The following PACSIN1 variants were observed in gnomAD, a reference collection of about 807,000 sequenced individuals.
PACSIN1 encodes protein kinase C and casein kinase substrate in neurons 1, also known as protein kinase C and casein kinase substrate in neurons protein 1.
PACSIN1 carries 15 observed loss-of-function variants against 59.5 expected under a neutral mutation model. The observed-to-expected ratio is 0.25, with a 90% CI of 0.17 to 0.39. The LOEUF is 0.39. Ranked by LOEUF, PACSIN1 falls within the 10% of genes least tolerant of loss-of-function variation. The pLI, the probability that PACSIN1 is intolerant of heterozygous loss-of-function variation, is 1.00. For synonymous variants in PACSIN1, 210 were observed against 220.6 expected (o/e 0.95, Z 0.42); for missense variants, 420 against 580.2 (o/e 0.72, Z 2.84).
chr6:34,513,694 C>T (rs1767240810), intron 1 of PACSIN1, among the ~76,000 whole-genome samples: 1 of 151,908 alleles, frequency 6.6e-6, no homozygotes, highest in Non-Finnish European at 1.5e-5. Context: ...TGAGGGGGCT[C>T]TAGGGGGGAT....
rs1208480400 is a variant in PACSIN1 at position 34,474,509 on chromosome 6, G to C, written c.-64+8239G>C. ...AATAAAGCCCAGAATCCTATAACAGGCTAGATGCAGTGGCTCACACCTGTA... is the reference window on the plus strand; with the variant it reads ...AATAAAGCCCAGAATCCTATAACAGCCTAGATGCAGTGGCTCACACCTGTA... On this transcript the variant is annotated intron_variant, in intron 1 of 9. Coordinates refer to ENST00000244458, the MANE Select transcript of PACSIN1 (RefSeq NM_020804.5). 3.9e-5 allele frequency among the ~76,000 whole-genome samples: 6 copies of C among 152,172 alleles called. No homozygotes were observed. In the East Asian group the frequency reaches 9.6e-4, roughly 24 times the overall value.
At chr6:34,484,740 A>G (rs1182125418) in intron 1 of PACSIN1, among the ~76,000 whole-genome samples, 1 of 152,160 alleles carries the variant, frequency 6.6e-6, no homozygotes, top group Non-Finnish European at 1.5e-5. Flanking sequence ...TTTCTGGTCA[A>G]TTTTTCTAGG....
At chr6:34,497,288 T>C (rs1766962156) in intron 1 of PACSIN1, among the ~76,000 whole-genome samples, 1 of 152,082 alleles carries the variant, frequency 6.6e-6, no homozygotes. Context: ...TTAAAGGAGA[T>C]AATGATGGAA....
chr6:34,482,622 C>T (rs1202163979), intron 1 of PACSIN1, among the ~76,000 whole-genome samples: 1 of 151,230 alleles, frequency 6.6e-6, no homozygotes, highest in African/African-American at 2.4e-5. Context: ...TTTCATTTCT[C>T]TTGGATATAT....
chr6:34,503,663 G>A (rs542311085), intron 1 of PACSIN1, among the ~76,000 whole-genome samples: 62 of 152,300 alleles, frequency 4.1e-4, no homozygotes, highest in East Asian at 1.3e-3. Context: ...TTCCATCTCC[G>A]GAGGGTGCCC....
At position 34,516,551 on chromosome 6, in the gene PACSIN1, C is replaced by T. The variant is rs963597548; in HGVS notation, c.-63-9692C>T. Among the ~76,000 whole-genome samples the T allele has an allele frequency of 1.3e-5, 2 of 152,186 alleles. No homozygotes were observed. Among genetic ancestry groups the T allele is most frequent in the Non-Finnish European group, 2.9e-5 (2 of 68,014 alleles). ...CCTGCTGGCCTCAGTTGCCCGTCAG[C>T]GGCCGCCCCCACCTCCACTGGAGCA... On this transcript the variant is annotated intron_variant, in intron 1 of 9. Transcript: ENST00000244458. The surrounding 1 kb of genome is among the most constrained non-coding windows in gnomAD (Gnocchi z 5.4).
At position 34,515,203 on chromosome 6, in the gene PACSIN1, G is replaced by C. The variant is rs1056517974; in HGVS notation, c.-63-11040G>C. The stretch of plus-strand genomic sequence containing the variant: ...CGGGCCAGGGACCAGGCTGGGGAGC[G>C]GGGTGTGGGGCGCAGCCAGCATCCT... On this transcript the variant is annotated intron_variant, in intron 1 of 9. Coordinates refer to ENST00000244458, the MANE Select transcript of PACSIN1 (RefSeq NM_020804.5). The surrounding 1 kb of genome is among the most constrained non-coding windows in gnomAD (Gnocchi z 4.4). The C allele has an allele frequency of 6.5e-6, 1 of 152,704 alleles. No individual in the cohort carries two copies. Among genetic ancestry groups the C allele is most frequent in the Non-Finnish European group, 1.5e-5 (1 of 68,460 alleles). The allele number at this position is 152,704 out of a possible 1,614,324, so 9.5% of individuals were successfully genotyped here. A position where few individuals can be genotyped will look rare whatever the true frequency, so the allele number is the denominator to read the frequency against.
intron 1 of PACSIN1, among the ~76,000 whole-genome samples, chr6:34,495,348 G>A (rs78765519): frequency 6.6e-6 from 1 of 152,238 alleles, no homozygotes; most frequent in East Asian, 1.9e-4. Context: ...GCTAATGATT[G>A]GAATCACATG....
rs772112790 is a variant in PACSIN1 at position 34,530,913 on chromosome 6, C to A, written c.1037+326C>A. Among the ~76,000 whole-genome samples, 4 of 152,280 alleles carry A rather than the reference C, an allele frequency of 2.6e-5. No individual in the cohort carries two copies. The South Asian group carries it at 8.3e-4, about 32-fold the overall frequency. ...TGCGCAGTTCACAATAGGGGGGTTGCGCTCCTATGAGAATCTAACGCCGCG... is the reference window on the plus strand; with the variant it reads ...TGCGCAGTTCACAATAGGGGGGTTGAGCTCCTATGAGAATCTAACGCCGCG... On this transcript the variant is annotated intron_variant, in intron 8 of 9. Transcript: ENST00000244458. The surrounding 1 kb of genome is among the most constrained non-coding windows in gnomAD (Gnocchi z 4.4).
chr6:34,482,485 T>C (rs1766733163), intron 1 of PACSIN1, among the ~76,000 whole-genome samples: 1 of 152,222 alleles, frequency 6.6e-6, no homozygotes, highest in Admixed American at 6.5e-5. Flanking sequence ...TTCCATTGCA[T>C]GAATATACTA....
Position 34,514,400 on chromosome 6 carries a change from C to G in PACSIN1, c.-63-11843C>G, listed in dbSNP as rs1291222124. Among the ~76,000 whole-genome samples the G allele has an allele frequency of 6.6e-6, 1 of 152,152 alleles. No individual in the cohort carries two copies. Among genetic ancestry groups the G allele is most frequent in the Non-Finnish European group, 1.5e-5 (1 of 68,028 alleles). ...GGCACGAGGTTGTGCATGAGCATCT[C>G]TCACACTCAGCCTGGCCTAGAAAAA... On this transcript the variant is annotated intron_variant, in intron 1 of 9. Coordinates refer to ENST00000244458, the MANE Select transcript of PACSIN1 (RefSeq NM_020804.5). The surrounding 1 kb of genome is among the most constrained non-coding windows in gnomAD (Gnocchi z 4.4).
rs1051148209 is a variant in PACSIN1, at chr6:34,466,142, G to A, written c.-192G>A. The A allele has an allele frequency of 6.6e-6, 1 of 152,452 alleles. No individual in the cohort carries two copies. Among genetic ancestry groups the A allele is most frequent in the African/African-American group, 2.4e-5 (1 of 41,430 alleles). 9.4% of individuals were successfully genotyped at this position (152,452 alleles called of 1,614,324 possible). A position where few individuals can be genotyped will look rare whatever the true frequency, so the allele number is the denominator to read the frequency against. Reference sequence around the variant, plus strand: ...CCCGCAGCCCCGGCGAGATCCCAGAGCGACGCGGTGGCGGCGGCAGCGCCA... The same window carrying A: ...CCCGCAGCCCCGGCGAGATCCCAGAACGACGCGGTGGCGGCGGCAGCGCCA... On this transcript the variant is annotated 5_prime_UTR_variant, in exon 1 of 10. Transcript: ENST00000244458.
intron 1 of PACSIN1, among the ~76,000 whole-genome samples, chr6:34,505,606 C>CT (rs1017138516): frequency 9.7e-6 from 1 of 103,308 alleles, no homozygotes; most frequent in Non-Finnish European, 2.0e-5. Context: ...AGTTCAATTA[C>CT]TTTTTTTTAT....
At chr6:34,527,582 G>A (rs370135929) in intron 3 of PACSIN1, 94 bp downstream of exon 3, 9 of 1,155,360 alleles carry the variant, frequency 7.8e-6, no homozygotes, top group East Asian at 3.0e-5. Flanking sequence ...CATGCACCAT[G>A]CCCTCCATCT....
intron 1 of PACSIN1, among the ~76,000 whole-genome samples, chr6:34,472,099 C>T (rs1766579051): frequency 6.6e-6 from 1 of 151,888 alleles, no homozygotes; most frequent in African/African-American, 2.4e-5. Context: ...GGTGAAACCC[C>T]TGTCTCTACT....
In PACSIN1 at chr6:34,516,449, C is replaced by T. The variant is rs1767294000; in HGVS notation, c.-63-9794C>T. Among the ~76,000 whole-genome samples the T allele has an allele frequency of 6.6e-6, 1 of 152,168 alleles. No homozygotes were observed. The highest frequency in any genetic ancestry group is 1.5e-5 in the Non-Finnish European group (1 of 68,018). On this transcript the variant is annotated intron_variant, in intron 1 of 9. Coordinates refer to ENST00000244458, the MANE Select transcript of PACSIN1 (RefSeq NM_020804.5). This position sits in a 1 kb window ranked among gnomAD's most constrained non-coding sequence, Gnocchi z 5.4. ...GCACTGACACTGCCTGCCCCTGCTC[C>T]TCCGAACCCCGCACTCTCCTCCTTC...
At position 34,521,231 on chromosome 6, in the gene PACSIN1, GGA is replaced by G. The variant is rs1767387413; in HGVS notation, c.-63-5008_-63-5007del. Among the ~76,000 whole-genome samples the G allele has an allele frequency of 6.6e-6, 1 of 152,122 alleles. No homozygotes were observed. The highest frequency in any genetic ancestry group is 2.4e-5 in the African/African-American group (1 of 41,416). On this transcript the variant is annotated intron_variant, in intron 1 of 9. Coordinates refer to ENST00000244458, the MANE Select transcript of PACSIN1 (RefSeq NM_020804.5). The surrounding 1 kb of genome is among the most constrained non-coding windows in gnomAD (Gnocchi z 4.3). ...TGACGAGGGCTGTGAAGAATAATAC[GGA>G]GAGGACAGGGAGGAGGTGGGGGCTC...
At position 34,531,949 on chromosome 6, in the gene PACSIN1, G is replaced by A. The variant is rs984602173; in HGVS notation, c.1225+162G>A. 1.3e-5 allele frequency among the ~76,000 whole-genome samples: 2 copies of A among 151,682 alleles called. No individual in the cohort carries two copies. The highest frequency in any genetic ancestry group is 2.9e-5 in the Non-Finnish European group (2 of 67,926). ...AGAAGCTTGGGTCTGGATTGGGTGT[G>A]TGGTGGGGCAGGGGTGGTGCCTGAA... On this transcript the variant is annotated intron_variant, in intron 9 of 9. Transcript: ENST00000244458. The surrounding 1 kb of genome is among the most constrained non-coding windows in gnomAD (Gnocchi z 4.4).
chr6:34,477,151 A>G (rs1766649172), intron 1 of PACSIN1, among the ~76,000 whole-genome samples: 1 of 152,124 alleles, frequency 6.6e-6, no homozygotes, highest in African/African-American at 2.4e-5. Flanking sequence ...TGTTGGCAGA[A>G]CTTCAGGAAT....
Sources: allele counts gnomAD v4.1 joint callset (sites outside exome capture counted in the v4.1 genomes callset), GRCh38; gene constraint gnomAD v4.1.1; non-coding constraint Gnocchi (gnomAD v3.1); transcripts MANE v1.5; gene names NCBI Gene and HGNC (gene_info 2026-07-23, HGNC 2026-07-21).